Variants in ODF2L observed in about 807,000 individuals in gnomAD.
ODF2L encodes the protein outer dense fiber of sperm tails 2 like.
In ODF2L, 76 loss-of-function variants were observed where a neutral mutation model predicts 86.3. The ratio of observed to expected loss-of-function variants is 0.88; its 90% CI spans 0.73 to 1.07. ODF2L has a LOEUF of 1.07. ODF2L is among the 50% of genes least tolerant of loss of function. The pLI is 0.00. For missense variants in ODF2L, 748 were observed against 717.4 expected, an observed-to-expected ratio of 1.04 and a Z score of -0.49; for synonymous variants, 241 against 231.3, an observed-to-expected ratio of 1.04 and a Z score of -0.38.
In ODF2L at chr1:86,370,832, G is replaced by A. The variant is rs77636157; in HGVS notation, c.1056+186C>T. Among the ~76,000 whole-genome samples the A allele has an allele frequency of 1.7e-3, 260 of 152,224 alleles. 6 individuals are homozygous for A. The East Asian group carries it at 0.044, about 26-fold the overall frequency. On this transcript the variant is annotated intron_variant, in intron 10 of 17. Coordinates refer to ENST00000317336, the Ensembl canonical transcript of ODF2L. ...CATAGTAGTTTATTTTAAAAGTTGA[G>A]GCAAAGAGACAGTCAACTTCATAAA...
chr1:86,359,716 G>A (rs1250888285), intron 12 of ODF2L, among the ~76,000 whole-genome samples: 1 of 151,302 alleles, frequency 6.6e-6, no homozygotes. Context: ...TAGAGACAGG[G>A]TTTCACCATG....
chr1:86,362,450 G>A (rs1659107275), intron 11 of ODF2L, among the ~76,000 whole-genome samples: 1 of 151,122 alleles, frequency 6.6e-6, no homozygotes, highest in South Asian at 2.1e-4. Flanking sequence ...CACCACACCT[G>A]GCTAATTTTC....
intron 1 of ODF2L, among the ~76,000 whole-genome samples, chr1:86,388,499 G>A (rs1661096854): frequency 6.6e-6 from 1 of 151,952 alleles, no homozygotes; most frequent in South Asian, 2.1e-4. Flanking sequence ...TACAAGCCTT[G>A]TAAAAGCTAA....
chr1:86,371,556 A>T (rs1659784355), intron 9 of ODF2L, among the ~76,000 whole-genome samples: 1 of 152,216 alleles, frequency 6.6e-6, no homozygotes, highest in Non-Finnish European at 1.5e-5. Flanking sequence ...TTTAGAAATG[A>T]ATTATATATG....
chr1:86,358,094 G>A (rs1345388497), intron 13 of ODF2L: 1 of 985,332 alleles, frequency 1.0e-6, no homozygotes, highest in African/African-American at 1.7e-5. Flanking sequence ...GCCTTGCTCT[G>A]ACTTCTCAAT....
At position 86,384,695 on chromosome 1, in the gene ODF2L, C is replaced by CT. The variant is rs772774729; in HGVS notation, c.352dup (p.Arg118LysfsTer22). ...CCTTACTTGTTTGTAGTCTCTCTTT[C>CT]TAAGAAGATGTTCTAAAGCTAGTTT... On this transcript the variant is annotated frameshift_variant, in exon 4 of 18. Transcript: ENST00000317336. LOFTEE classifies it high-confidence loss of function. The CT allele has an allele frequency of 2.7e-6, 4 of 1,500,734 alleles. No individual in the cohort carries two copies. In the African/African-American group the frequency reaches 5.8e-5, roughly 22 times the overall value. 93.0% of individuals were successfully genotyped at this position (1,500,734 alleles called of 1,614,324 possible).
At chr1:86,394,308 C>A (rs978730563) in intron 1 of ODF2L, among the ~76,000 whole-genome samples, 2 of 150,968 alleles carry the variant, frequency 1.3e-5, no homozygotes, top group African/African-American at 2.4e-5. Context: ...CCCAGCTACT[C>A]GAGAGGCTGA....
At chr1:86,368,488 T>C in intron 11 of ODF2L, 1 of 604,726 alleles carries the variant, frequency 1.7e-6, no homozygotes, top group East Asian at 3.7e-5. Flanking sequence ...TTTAGAAATT[T>C]AAAACTAGCT....
exon 10 of ODF2L, chr1:86,371,148 A>C: frequency 6.9e-7 from 1 of 1,451,698 alleles, no homozygotes; most frequent in Non-Finnish European, 9.3e-7. Context: ...AAGATTAATG[A>C]TTTGCCTTTA....
intron 1 of ODF2L, among the ~76,000 whole-genome samples, chr1:86,395,434 A>C (rs1661665014): frequency 6.6e-6 from 1 of 152,126 alleles, no homozygotes; most frequent in Admixed American, 6.5e-5. Context: ...GAATCCAGGA[A>C]GGTTCAGTGA....
chr1:86,363,489 T>C (rs1299809829), intron 11 of ODF2L, among the ~76,000 whole-genome samples: 1 of 152,188 alleles, frequency 6.6e-6, no homozygotes, highest in Non-Finnish European at 1.5e-5. Flanking sequence ...ATAGGGACTA[T>C]TTTACTTATA....
chr1:86,381,116 AT>A (rs769306140), intron 7 of ODF2L, among the ~76,000 whole-genome samples: 7 of 152,152 alleles, frequency 4.6e-5, no homozygotes, highest in Non-Finnish European at 7.4e-5. Context: ...TCTTTTAATC[AT>A]TTCTTAACAG....
chr1:86,375,479 T>A (rs1229880963), intron 8 of ODF2L, among the ~76,000 whole-genome samples: 2 of 152,146 alleles, frequency 1.3e-5, no homozygotes, highest in East Asian at 3.8e-4. Flanking sequence ...TCTAAAAGCC[T>A]CTAATAATTC....
intron 9 of ODF2L, among the ~76,000 whole-genome samples, chr1:86,371,632 T>A (rs753788968): frequency 1.3e-5 from 2 of 152,178 alleles, no homozygotes; most frequent in Non-Finnish European, 2.9e-5. Context: ...GGGTTCATTA[T>A]AGTGTTATCA....
chr1:86,392,805 C>G (rs2101590950), intron 1 of ODF2L, among the ~76,000 whole-genome samples: 1 of 152,140 alleles, frequency 6.6e-6, no homozygotes, highest in East Asian at 1.9e-4. Flanking sequence ...CCCCAAAAAC[C>G]TATGGAAATA....
chr1:86,372,341 TA>T (rs886684817), intron 9 of ODF2L, 89 bp downstream of exon 9: 154 of 573,762 alleles, frequency 2.7e-4, no homozygotes, highest in Non-Finnish European at 3.8e-4. Flanking sequence ...ATATGTAATC[TA>T]AAAAAAATCA....
chr1:86,364,786 G>C (rs1449142651), intron 11 of ODF2L, among the ~76,000 whole-genome samples: 3 of 152,128 alleles, frequency 2.0e-5, no homozygotes, highest in African/African-American at 7.2e-5. Flanking sequence ...TGGCAGAACA[G>C]AAAGCTAAAA....
chr1:86,389,987 ACAC>A (rs1167477491), intron 1 of ODF2L, among the ~76,000 whole-genome samples: 2 of 152,220 alleles, frequency 1.3e-5, no homozygotes, highest in Non-Finnish European at 2.9e-5. Flanking sequence ...AATCCTATTG[ACAC>A]TACTCCACAA....
intron 16 of ODF2L, among the ~76,000 whole-genome samples, chr1:86,353,766 A>C (rs939771344): frequency 2.0e-5 from 3 of 152,142 alleles, no homozygotes; most frequent in African/African-American, 7.2e-5. Flanking sequence ...GTGTGAGCTG[A>C]AGCTATGGGA....
Sources: gnomAD v4.1 joint callset for allele counts (sites outside exome capture counted in the v4.1 genomes callset) on GRCh38, gnomAD v4.1.1 for gene constraint, MANE v1.5 for transcripts, NCBI Gene and HGNC (gene_info 2026-07-23, HGNC 2026-07-21) for gene names.